The following ZFYVE26 variants were observed in gnomAD, a reference collection of about 807,000 sequenced individuals.
ZFYVE26 encodes the protein zinc finger FYVE domain-containing protein 26.
In ZFYVE26, 181 loss-of-function variants were observed where a neutral mutation model predicts 276.5. The observed-to-expected ratio is 0.65, with a 90% confidence interval of 0.58 to 0.74. The LOEUF (loss-of-function observed/expected upper bound fraction) is 0.74. ZFYVE26 is among the 30% of genes least tolerant of loss of function. The probability of loss-of-function intolerance (pLI) is 0.00; values close to 1 mark genes in which losing one functional copy is unlikely to be tolerated. For missense variants in ZFYVE26, 2,821 were observed against 3,097.9 expected, an observed-to-expected ratio of 0.91 and a Z score of 2.12; for synonymous variants, 1,129 against 1,203.1, an observed-to-expected ratio of 0.94 and a Z score of 1.27.
At chr14:67,754,992 C>T in intron 37 of ZFYVE26, 59 bp downstream of exon 37, 2 of 1,586,934 alleles carry the variant, frequency 1.3e-6, no homozygotes, top group South Asian at 1.1e-5. Context: ...TCATCACCTA[C>T]AGACAACTGC....
intron 10 of ZFYVE26, chr14:67,799,664 G>T: frequency 8.0e-7 from 1 of 1,256,282 alleles, no homozygotes; most frequent in Admixed American, 1.8e-5. Flanking sequence ...TGGTAGGCAA[G>T]GTGCTGGCAA....
Position 67,793,771 on chromosome 14 carries a change from CA to C in ZFYVE26, c.2402-13del, listed in dbSNP as rs753085631. 6.2e-7 allele frequency: 1 copy of C among 1,613,554 alleles called. No homozygotes were observed. Among genetic ancestry groups the C allele is most frequent in the African/African-American group, 1.3e-5 (1 of 74,828 alleles). On this transcript the variant is annotated splice_polypyrimidine_tract_variant and intron_variant, in intron 13 of 41. Coordinates refer to ENST00000347230, the MANE Select transcript of ZFYVE26 (RefSeq NM_015346.4). ...ACTCAGACTTCCCTCTGTTGGGACA[CA>C]AGAATGTGTGGGGCCAGAGAAGCAA...
chr14:67,757,672 T>TTC (rs1566865366), intron 35 of ZFYVE26, among the ~76,000 whole-genome samples: 1 of 89,314 alleles, frequency 1.1e-5, no homozygotes, highest in Non-Finnish European at 2.7e-5. Flanking sequence ...CTTTCTTTCT[T>TTC]TCTTTCTTTC....
chr14:67,750,885 C>A, intron 41 of ZFYVE26, 167 bp downstream of exon 41: 1 of 829,754 alleles, frequency 1.2e-6, no homozygotes, highest in South Asian at 1.4e-5. Flanking sequence ...CTCATCTATT[C>A]CCTCCTTTCT....
intron 13 of ZFYVE26, among the ~76,000 whole-genome samples, chr14:67,740,810 A>C (rs1425161573): frequency 1.3e-5 from 2 of 152,160 alleles, no homozygotes; most frequent in Non-Finnish European, 2.9e-5. Flanking sequence ...CAGGAGACTG[A>C]GGCAGGAGAA....
In ZFYVE26 at chr14:67,785,863, A is replaced by T. The variant is rs372982984; in HGVS notation, c.3299T>A (p.Leu1100Gln). ...CCAAGCAGACAGCCTTATACCTGGC[A>T]GCTCTAGTGCCTCTCTCAGTGACTG... ...VLQSLREALE[L>Q]PEPRTPPLSS... The change falls in exon 18 of 42, where the codon CTG (leucine) becomes CAG (glutamine). Residue 1100 changes from leucine (L) to glutamine (Q), a missense_variant. Physicochemically the swap from Leu to Gln is moderately radical, Grantham distance 113. Coordinates refer to ENST00000347230, the MANE Select transcript of ZFYVE26 (RefSeq NM_015346.4). 4.4e-5 allele frequency: 71 copies of T among 1,613,998 alleles called. No homozygotes were observed. The highest frequency in any genetic ancestry group is 5.8e-5 in the Non-Finnish European group (69 of 1,180,036).
chr14:67,806,822 G>C, intron 5 of ZFYVE26, 147 bp from the exon 6 acceptor site: 1 of 938,062 alleles, frequency 1.1e-6, no homozygotes, highest in Non-Finnish European at 1.6e-6. Flanking sequence ...GTATCTTAAA[G>C]AATCTTTACT....
chr14:67,741,635 G>C (rs962246282), downstream of ZFYVE26, among the ~76,000 whole-genome samples: 3 of 152,222 alleles, frequency 2.0e-5, no homozygotes, highest in Non-Finnish European at 4.4e-5. Flanking sequence ...TAAAGTATTT[G>C]AGAAAGTGTG....
chr14:67,785,029 T>C (rs2039610701), intron 19 of ZFYVE26, 30 bp downstream of exon 19: 1 of 1,611,158 alleles, frequency 6.2e-7, no homozygotes. Flanking sequence ...AGGTCTGCCA[T>C]GAATCTATTG....
At position 67,793,793 on chromosome 14, in the gene ZFYVE26, A is replaced by C. The variant is rs1475636328; in HGVS notation, c.2402-34T>G. Reference sequence around the variant, plus strand: ...ACACAAGAATGTGTGGGGCCAGAGAAGCAAGAGGAATTAAGGAAATGCTAT... The same window carrying C: ...ACACAAGAATGTGTGGGGCCAGAGACGCAAGAGGAATTAAGGAAATGCTAT... On this transcript the variant is annotated intron_variant, in intron 13 of 41. Coordinates refer to ENST00000347230, the MANE Select transcript of ZFYVE26 (RefSeq NM_015346.4). 1.9e-6 allele frequency: 3 copies of C among 1,613,384 alleles called. No individual in the cohort carries two copies. The Admixed American group carries it at 5.0e-5, about 27-fold the overall frequency.
chr14:67,803,430 C>T lies in ZFYVE26; in HGVS notation c.1435+671G>A, dbSNP rs1029845277. ...CATCTTGGCTGACTGCAACCTCCAC[C>T]TCCCGGGTTCAAGTGATTCTCCTGC... On this transcript the variant is annotated intron_variant, in intron 9 of 41. Coordinates refer to ENST00000347230, the MANE Select transcript of ZFYVE26 (RefSeq NM_015346.4). Among the ~76,000 whole-genome samples, 32 of 152,294 alleles carry T rather than the reference C, an allele frequency of 2.1e-4. No homozygotes were observed. The South Asian group carries it at 6.6e-3, about 32-fold the overall frequency.
intron 2 of ZFYVE26, among the ~76,000 whole-genome samples, chr14:67,814,315 T>A (rs1182510005): frequency 1.3e-5 from 2 of 152,132 alleles, no homozygotes; most frequent in Non-Finnish European, 2.9e-5. Context: ...GGTCACGAGT[T>A]CGAGACCAAC....
At chr14:67,734,637 G>A (rs546327604) in intron 13 of ZFYVE26, among the ~76,000 whole-genome samples, 5 of 152,314 alleles carry the variant, frequency 3.3e-5, no homozygotes, top group East Asian at 1.9e-4. Flanking sequence ...CTCAGAGTGT[G>A]TAGCTGCTGG....
chr14:67,816,434 G>C (rs1435649850), intron 1 of ZFYVE26, 100 bp downstream of exon 1: 2 of 159,174 alleles, frequency 1.3e-5, no homozygotes, highest in Non-Finnish European at 2.8e-5. Flanking sequence ...AGACGAATCT[G>C]TGTCATAAGT....
chr14:67,782,616 T>C (rs756471092), intron 21 of ZFYVE26, among the ~76,000 whole-genome samples, 164 bp downstream of exon 21: 8 of 152,314 alleles, frequency 5.3e-5, no homozygotes, highest in Non-Finnish European at 1.0e-4. Flanking sequence ...CTTACCACCC[T>C]GGGCAAGTTT....
intron 8 of ZFYVE26, 152 bp from the exon 9 acceptor site, chr14:67,804,416 G>A: frequency 1.0e-6 from 1 of 983,512 alleles, no homozygotes; most frequent in Non-Finnish European, 1.6e-6. Flanking sequence ...GTTTGGGACT[G>A]AGCCTAACAT....
chr14:67,805,652 T>C, intron 6 of ZFYVE26, 34 bp from the exon 7 acceptor site: 1 of 1,609,008 alleles, frequency 6.2e-7, no homozygotes, highest in Non-Finnish European at 8.5e-7. Context: ...TAGGCAGCTA[T>C]GTGGATGAGA....
chr14:67,743,630 C>T (rs1193088427), downstream of ZFYVE26, among the ~76,000 whole-genome samples: 1 of 152,142 alleles, frequency 6.6e-6, no homozygotes, highest in African/African-American at 2.4e-5. Context: ...CCATTTTGGA[C>T]ATGCTAATAT....
chr14:67,763,464 A>G (rs1047295301), intron 32 of ZFYVE26, among the ~76,000 whole-genome samples: 1 of 152,202 alleles, frequency 6.6e-6, no homozygotes, highest in African/African-American at 2.4e-5. Context: ...TACTTTTTCT[A>G]TATTTAGATA....
Sources: gnomAD v4.1 joint callset for allele counts (sites outside exome capture counted in the v4.1 genomes callset) on GRCh38, gnomAD v4.1.1 for gene constraint, MANE v1.5 for transcripts, NCBI Gene and HGNC (gene_info 2026-07-23, HGNC 2026-07-21) for gene names.